Variants in MACROH2A2 observed in about 807,000 individuals in gnomAD.
MACROH2A2 encodes the protein macroH2A.2 histone.
MACROH2A2 carries 6 observed loss-of-function variants against 37.6 expected under a neutral mutation model. The ratio of observed to expected loss-of-function variants is 0.16; its 90% CI spans 0.09 to 0.32. The LOEUF (loss-of-function observed/expected upper bound fraction) is 0.32, where lower values mean the gene tolerates loss of function less well. MACROH2A2 is among the 10% of genes least tolerant of loss of function. MACROH2A2 has a pLI of 1.00. For missense variants in MACROH2A2, 290 were observed against 485.9 expected, an observed-to-expected ratio of 0.60 and a Z score of 3.79; for synonymous variants, 192 against 202.7, an observed-to-expected ratio of 0.95 and a Z score of 0.45.
chr10:70,104,371 A>G (rs993678182), intron 7 of MACROH2A2, among the ~76,000 whole-genome samples: 12 of 152,110 alleles, frequency 7.9e-5, no homozygotes, highest in Admixed American at 2.6e-4. Flanking sequence ...GGAAAAAAAA[A>G]AAAAAAGCCT....
rs1054135040 is a variant in MACROH2A2 at position 70,075,249 on chromosome 10, C to T, written c.-59-351C>T. Among the ~76,000 whole-genome samples, 2 of 152,232 alleles carry T rather than the reference C, an allele frequency of 1.3e-5. No individual in the cohort carries two copies. Among genetic ancestry groups the T allele is most frequent in the Non-Finnish European group, 2.9e-5 (2 of 68,044 alleles). Reference sequence around the variant, plus strand: ...TTAATCCCATCTGCAAAGTCTCTGTCATATAAGATAACAGTCACAGGTTCT... The same window carrying T: ...TTAATCCCATCTGCAAAGTCTCTGTTATATAAGATAACAGTCACAGGTTCT... On this transcript the variant is annotated intron_variant, in intron 1 of 8. Transcript: ENST00000373255. This position sits in a 1 kb window ranked among gnomAD's most constrained non-coding sequence, Gnocchi z 5.0.
chr10:70,073,548 A>G (rs562607058), intron 1 of MACROH2A2, among the ~76,000 whole-genome samples: 1 of 152,342 alleles, frequency 6.6e-6, no homozygotes, highest in Admixed American at 6.5e-5. Context: ...TATGAAGTAT[A>G]AAATAGGGGA....
At chr10:70,085,997 T>G (rs763097033) in intron 2 of MACROH2A2, among the ~76,000 whole-genome samples, 1 of 142,386 alleles carries the variant, frequency 7.0e-6, no homozygotes, top group Middle Eastern at 3.6e-3. Context: ...TTCATTTGCT[T>G]TGAATTTTTT....
chr10:70,078,317 G>A (rs1186370875), intron 2 of MACROH2A2, among the ~76,000 whole-genome samples: 1 of 152,210 alleles, frequency 6.6e-6, no homozygotes, highest in Non-Finnish European at 1.5e-5. Flanking sequence ...ACCTGCAAGG[G>A]TGCCATTGCC....
At chr10:70,071,846 A>T (rs1013844030) in intron 1 of MACROH2A2, among the ~76,000 whole-genome samples, 4 of 152,254 alleles carry the variant, frequency 2.6e-5, no homozygotes, top group African/African-American at 9.6e-5. Context: ...CTTGCCGTGA[A>T]TAGAGCTTGC....
intron 1 of MACROH2A2, among the ~76,000 whole-genome samples, chr10:70,068,647 C>T (rs2072091935): frequency 6.6e-6 from 1 of 152,176 alleles, no homozygotes; most frequent in Non-Finnish European, 1.5e-5. Flanking sequence ...AAAAAAATGG[C>T]ATCATCTAAA....
At chr10:70,093,519 C>T (rs1264157369) in intron 4 of MACROH2A2, among the ~76,000 whole-genome samples, 2 of 152,228 alleles carry the variant, frequency 1.3e-5, no homozygotes, top group Non-Finnish European at 1.5e-5. Flanking sequence ...TATGTGTGAG[C>T]CCTTTAACAC....
At chr10:70,110,459 T>C (rs1167098704) in intron 8 of MACROH2A2, among the ~76,000 whole-genome samples, 1 of 152,234 alleles carries the variant, frequency 6.6e-6, no homozygotes, top group African/African-American at 2.4e-5. Context: ...TACTAAGCAA[T>C]TGGGTTAGTA....
At chr10:70,088,140 A>T (rs1321931236) in intron 2 of MACROH2A2, among the ~76,000 whole-genome samples, 1 of 151,254 alleles carries the variant, frequency 6.6e-6, no homozygotes, top group African/African-American at 2.4e-5. Flanking sequence ...CCGCCTGCAC[A>T]CTCACACACA....
At chr10:70,066,362 C>G (rs943035388) in intron 1 of MACROH2A2, among the ~76,000 whole-genome samples, 1 of 152,112 alleles carries the variant, frequency 6.6e-6, no homozygotes, top group Admixed American at 6.6e-5. Context: ...ACTTCCCTGT[C>G]CTGTTTCTGA....
chr10:70,103,651 C>T (rs1413078463), intron 7 of MACROH2A2, among the ~76,000 whole-genome samples: 1 of 152,068 alleles, frequency 6.6e-6, no homozygotes, highest in African/African-American at 2.4e-5. Flanking sequence ...AAAATAAATC[C>T]AAAACCTGGA....
At chr10:70,054,424 G>A (rs1449481271) in intron 1 of MACROH2A2, among the ~76,000 whole-genome samples, 1 of 152,156 alleles carries the variant, frequency 6.6e-6, no homozygotes, top group Non-Finnish European at 1.5e-5. Context: ...CAAGGGCCCA[G>A]TTCTAAGCCC....
intron 7 of MACROH2A2, 101 bp from the exon 8 acceptor site, chr10:70,108,932 C>T: frequency 2.9e-6 from 3 of 1,043,698 alleles, no homozygotes; most frequent in South Asian, 2.9e-5. Context: ...ACGTCTCTAT[C>T]ACTGCCTTAT....
intron 1 of MACROH2A2, among the ~76,000 whole-genome samples, chr10:70,059,487 C>T (rs763589358): frequency 6.6e-6 from 1 of 151,796 alleles, no homozygotes; most frequent in Non-Finnish European, 1.5e-5. Context: ...TTTCCTGCCT[C>T]AACCTCCTAA....
Position 70,053,583 on chromosome 10 carries a change from G to A in MACROH2A2, c.-60+583G>A, listed in dbSNP as rs958252155. ...CCCGAGTCCGGGGGCGGGCCGCGCCGGGGAAGGTCAGGTCGGGGACGCCGG... is the reference window on the plus strand; with the variant it reads ...CCCGAGTCCGGGGGCGGGCCGCGCCAGGGAAGGTCAGGTCGGGGACGCCGG... On this transcript the variant is annotated intron_variant, in intron 1 of 8. Transcript: ENST00000373255. The surrounding 1 kb of genome is among the most constrained non-coding windows in gnomAD (Gnocchi z 4.8). Among the ~76,000 whole-genome samples the A allele has an allele frequency of 3.3e-5, 5 of 151,626 alleles. No individual in the cohort carries two copies. Among genetic ancestry groups the A allele is most frequent in the African/African-American group, 9.7e-5 (4 of 41,368 alleles).
intron 2 of MACROH2A2, among the ~76,000 whole-genome samples, chr10:70,083,788 C>T (rs994202971): frequency 6.8e-6 from 1 of 147,880 alleles, no homozygotes; most frequent in South Asian, 2.2e-4. Context: ...ATCTAGAATG[C>T]CCCATTGACC....
intron 1 of MACROH2A2, among the ~76,000 whole-genome samples, chr10:70,070,214 C>T (rs552334369): frequency 1.3e-5 from 2 of 152,146 alleles, no homozygotes; most frequent in Non-Finnish European, 1.5e-5. Flanking sequence ...GCATAGAGGA[C>T]TCTCCAGTCC....
intron 7 of MACROH2A2, 72 bp from the exon 8 acceptor site, chr10:70,108,961 C>G (rs1010467395): frequency 9.0e-6 from 12 of 1,340,402 alleles, no homozygotes; most frequent in Non-Finnish European, 1.3e-5. Context: ...CTAACAGGTA[C>G]CTGATGAGGT....
At chr10:70,079,107 G>C (rs1293626008) in intron 2 of MACROH2A2, among the ~76,000 whole-genome samples, 1 of 152,162 alleles carries the variant, frequency 6.6e-6, no homozygotes. Flanking sequence ...GGTGCTGTCG[G>C]GCAGGGAATG....
Sources: gnomAD v4.1 joint callset for allele counts (sites outside exome capture counted in the v4.1 genomes callset) on GRCh38, gnomAD v4.1.1 for gene constraint, Gnocchi (gnomAD v3.1) non-coding constraint, MANE v1.5 for transcripts, NCBI Gene and HGNC (gene_info 2026-07-23, HGNC 2026-07-21) for gene names.